The following DIAPH3 variants were observed in gnomAD, a reference collection of about 807,000 sequenced individuals.
DIAPH3 encodes diaphanous related formin 3.
In DIAPH3, 117 loss-of-function variants were observed where a neutral mutation model predicts 144.3. The ratio of observed to expected loss-of-function variants is 0.81; its 90% CI spans 0.70 to 0.95. The LOEUF (loss-of-function observed/expected upper bound fraction) is 0.95, where lower values mean the gene tolerates loss of function less well. Ranked by LOEUF, DIAPH3 falls within the 40% of genes least tolerant of loss-of-function variation. The pLI, the probability that DIAPH3 is intolerant of heterozygous loss-of-function variation, is 0.00. For synonymous variants in DIAPH3, 519 were observed against 488.9 expected (o/e 1.06, Z -0.81); for missense variants, 1,421 against 1,412.7 (o/e 1.01, Z -0.09).
chr13:60,163,749 C>T lies in DIAPH3; in HGVS notation c.18G>A (p.Pro6=). The change falls in exon 1 of 28, where the codon CCG becomes CCA. Residue 6 remains proline (P), a synonymous_variant. Coordinates refer to ENST00000400324, the MANE Select transcript of DIAPH3 (RefSeq NM_001042517.2). ...AGCCTTGGGCCGGGTGGTGCAGCCG[C>T]GGCTGGTGCCGTTCCATCTTTCCCC... MERHQ[P]RLHHPAQGSA... 1.3e-6 allele frequency: 2 copies of T among 1,593,884 alleles called. No homozygotes were observed. Among genetic ancestry groups the T allele is most frequent in the South Asian group, 1.1e-5 (1 of 89,270 alleles).
chr13:59,764,523 C>G (rs746518177), intron 27 of DIAPH3, among the ~76,000 whole-genome samples: 8 of 150,638 alleles, frequency 5.3e-5, no homozygotes, highest in African/African-American at 1.5e-4. Context: ...CCCCTAGTAC[C>G]TGTGAATGTC....
chr13:60,068,898 T>A lies in DIAPH3; in HGVS notation c.495+24730A>T, dbSNP rs545195093. 2.0e-5 allele frequency among the ~76,000 whole-genome samples: 3 copies of A among 151,804 alleles called. No homozygotes were observed. The East Asian group carries it at 5.8e-4, about 29-fold the overall frequency. On this transcript the variant is annotated intron_variant, in intron 4 of 27. Transcript: ENST00000400324. ...CTTTATGCAGTTCACTGTGGATGGG[T>A]ATTTAGGTTAATTCCATGTCTTTGA...
At chr13:59,863,162 T>C (rs944146034) in intron 21 of DIAPH3, among the ~76,000 whole-genome samples, 2 of 152,058 alleles carry the variant, frequency 1.3e-5, no homozygotes, top group African/African-American at 4.8e-5. Flanking sequence ...TTGGGTTTTG[T>C]GTAGTGTTGG....
At position 59,817,022 on chromosome 13, in the gene DIAPH3, T is replaced by C. The variant is rs915971630; in HGVS notation, c.3028-6099A>G. ...GTTTTTAGAATTTTCAAACTAGAGG[T>C]TTTAAAATTTCATCCTTTTAATTTT... On this transcript the variant is annotated intron_variant, in intron 24 of 27. Transcript: ENST00000400324. Among the ~76,000 whole-genome samples, 6 of 151,842 alleles carry C rather than the reference T, an allele frequency of 4.0e-5. No individual in the cohort carries two copies. The South Asian group carries it at 6.2e-4, about 16-fold the overall frequency.
At chr13:59,935,429 G>C (rs1416269671) in intron 17 of DIAPH3, among the ~76,000 whole-genome samples, 1 of 152,136 alleles carries the variant, frequency 6.6e-6, no homozygotes, top group African/African-American at 2.4e-5. Flanking sequence ...GTCAGAAATG[G>C]AGAATAGGCA....
chr13:59,810,541 C>T lies in DIAPH3; in HGVS notation c.3163+247G>A, dbSNP rs987285115. On this transcript the variant is annotated intron_variant, in intron 25 of 27. Coordinates refer to ENST00000400324, the MANE Select transcript of DIAPH3 (RefSeq NM_001042517.2). Reference sequence around the variant, plus strand: ...GGTAGTAATTAAAGAAACGTGAATACGCTGGAACGAAAACAGCATAACAGA... The same window carrying T: ...GGTAGTAATTAAAGAAACGTGAATATGCTGGAACGAAAACAGCATAACAGA... Among the ~76,000 whole-genome samples the T allele has an allele frequency of 4.6e-5, 7 of 152,168 alleles. No individual in the cohort carries two copies. In the East Asian group the frequency reaches 7.7e-4, roughly 17 times the overall value.
chr13:59,923,730 A>T (rs1459983413), intron 18 of DIAPH3, among the ~76,000 whole-genome samples: 1 of 152,202 alleles, frequency 6.6e-6, no homozygotes, highest in Non-Finnish European at 1.5e-5. Context: ...AGCAGTGCCC[A>T]GAAATAGAGA....
chr13:60,089,101 A>G (rs1244239729), intron 4 of DIAPH3, among the ~76,000 whole-genome samples: 1 of 152,234 alleles, frequency 6.6e-6, no homozygotes, highest in Non-Finnish European at 1.5e-5. Flanking sequence ...CAGAAATAAT[A>G]CATCCAGAAA....
chr13:59,777,502 C>T (rs557811265), intron 25 of DIAPH3, among the ~76,000 whole-genome samples: 20 of 152,236 alleles, frequency 1.3e-4, no homozygotes, highest in African/African-American at 2.6e-4. Flanking sequence ...GAGTCATCAA[C>T]GGTTGCAAAA....
At chr13:59,784,460 C>G (rs1407015404) in intron 25 of DIAPH3, among the ~76,000 whole-genome samples, 2 of 152,104 alleles carry the variant, frequency 1.3e-5, no homozygotes, top group Admixed American at 6.5e-5. Context: ...ATGGCAACCT[C>G]TGCCTCCCAG....
At chr13:59,963,420 TTAC>T (rs2049874269) in intron 17 of DIAPH3, among the ~76,000 whole-genome samples, 1 of 152,178 alleles carries the variant, frequency 6.6e-6, no homozygotes, top group Admixed American at 6.6e-5. Flanking sequence ...TACATAGAAT[TTAC>T]TACTTACTAT....
rs775151037 is a variant in DIAPH3 at position 59,974,441 on chromosome 13, T to C, written c.1561A>G (p.Thr521Ala). ...TCAGCCTGAGTTTCTTGGTGGTCGGTAAACTCTTTTTCAAACTGAAACAAA... is the reference window on the plus strand; with the variant it reads ...TCAGCCTGAGTTTCTTGGTGGTCGGCAAACTCTTTTTCAAACTGAAACAAA... ...ELYKKFEKEF[T>A]DHQETQAELQ... Residue 521 changes from threonine to alanine, a missense_variant, in exon 15 of 28, where the codon ACC becomes GCC. By Grantham distance (58) the Thr-to-Ala change is moderately conservative. Coordinates refer to ENST00000400324, the MANE Select transcript of DIAPH3 (RefSeq NM_001042517.2). The C allele has an allele frequency of 1.2e-5, 19 of 1,610,332 alleles. No individual in the cohort carries two copies. The Admixed American group carries it at 3.2e-4, about 27-fold the overall frequency.
chr13:59,900,265 T>C (rs2046356814), intron 20 of DIAPH3, among the ~76,000 whole-genome samples: 2 of 152,230 alleles, frequency 1.3e-5, no homozygotes, highest in South Asian at 4.1e-4. Flanking sequence ...ACAGGAACTA[T>C]ATATTTATTA....
intron 27 of DIAPH3, among the ~76,000 whole-genome samples, chr13:59,670,695 C>G (rs1269652661): frequency 2.3e-4 from 35 of 151,418 alleles, no homozygotes; most frequent in Non-Finnish European, 4.6e-4. Context: ...CCATTGTCTT[C>G]CCTCAGCCTC....
intron 21 of DIAPH3, among the ~76,000 whole-genome samples, chr13:59,869,561 CTT>C (rs1236404967): frequency 5.9e-5 from 9 of 152,282 alleles, no homozygotes; most frequent in East Asian, 1.9e-4. Context: ...AAAAAATTCT[CTT>C]TGTTTCGACT....
At chr13:59,815,421 A>C (rs968965624) in intron 24 of DIAPH3, among the ~76,000 whole-genome samples, 9 of 152,118 alleles carry the variant, frequency 5.9e-5, no homozygotes, top group Admixed American at 2.0e-4. Flanking sequence ...ATATCTTCAC[A>C]ATTTTGAGTC....
intron 17 of DIAPH3, among the ~76,000 whole-genome samples, chr13:59,965,106 G>C (rs1328285564): frequency 1.3e-5 from 2 of 152,126 alleles, no homozygotes; most frequent in African/African-American, 2.4e-5. Flanking sequence ...AAGTTGCTGG[G>C]ATAATCCACG....
At chr13:59,927,139 C>T (rs1055505314) in intron 17 of DIAPH3, among the ~76,000 whole-genome samples, 1 of 152,004 alleles carries the variant, frequency 6.6e-6, no homozygotes, top group African/African-American at 2.4e-5. Context: ...ATAGCTTATC[C>T]CTGCACACTT....
chr13:60,042,912 A>G, intron 4 of DIAPH3, 92 bp from the exon 5 acceptor site: 1 of 1,422,838 alleles, frequency 7.0e-7, no homozygotes, highest in Non-Finnish European at 9.8e-7. Context: ...AGCAGCACAT[A>G]ACTACTATAA....
Sources: gnomAD v4.1 joint callset for allele counts (sites outside exome capture counted in the v4.1 genomes callset) on GRCh38, gnomAD v4.1.1 for gene constraint, MANE v1.5 for transcripts, NCBI Gene and HGNC (gene_info 2026-07-23, HGNC 2026-07-21) for gene names.